SLC12A7: variants seen among roughly 807,000 people sequenced by gnomAD.
SLC12A7 encodes the protein solute carrier family 12 member 7.
Under a neutral mutation model 120.6 loss-of-function variants are expected in SLC12A7, and 100 were observed. That is an observed-to-expected ratio of 0.83 (90% CI 0.71 to 0.98). The LOEUF is 0.98. Ranked by LOEUF, SLC12A7 falls within the 50% of genes least tolerant of loss-of-function variation. The pLI is 0.00. For missense variants in SLC12A7, 1,373 were observed against 1,548.1 expected (o/e 0.89, Z 1.90); for synonymous variants, 760 against 678.0 (o/e 1.12, Z -1.88).
chr5:1,114,003 C>T (rs1290316610), upstream of SLC12A7, among the ~76,000 whole-genome samples: 1 of 152,230 alleles, frequency 6.6e-6, no homozygotes, highest in Non-Finnish European at 1.5e-5. Context: ...CCCAGGACCC[C>T]AGGGCCGGCT....
chr5:1,118,393 T>C, the SLC12A7 span, among the ~76,000 whole-genome samples: 1 of 152,232 alleles, frequency 6.6e-6, no homozygotes, highest in Non-Finnish European at 1.5e-5. Flanking sequence ...GATCCCACAC[T>C]GGGAAACGTT....
In SLC12A7 at chr5:1,074,715, G is replaced by A. The variant is rs1368099997; in HGVS notation, c.1968-44C>T. The A allele has an allele frequency of 5.1e-6, 8 of 1,574,590 alleles. No individual in the cohort carries two copies. The South Asian group carries it at 5.6e-5, about 11-fold the overall frequency. On this transcript the variant is annotated intron_variant, in intron 15 of 23. Transcript: ENST00000264930. The stretch of plus-strand genomic sequence containing the variant: ...GGGTTTGTCCAGCCGCGTACCTGGA[G>A]GCTCCTCTCCCACCTGGGAAAGGGG...
intron 4 of SLC12A7, 44 bp from the exon 5 acceptor site, chr5:1,088,404 C>G (rs954703809): frequency 7.1e-6 from 11 of 1,549,836 alleles, no homozygotes; most frequent in Non-Finnish European, 7.9e-6. Flanking sequence ...TTTCCAACAG[C>G]CTGCCGGCAT....
At chr5:1,141,562 T>C in the SLC12A7 span, among the ~76,000 whole-genome samples, 216 of 152,376 alleles carry the variant, frequency 1.4e-3, no homozygotes, top group Middle Eastern at 6.8e-3. Context: ...CTGGGGACTG[T>C]CTTCCCCACT....
chr5:1,138,311 C>A, the SLC12A7 span, among the ~76,000 whole-genome samples: 1 of 152,244 alleles, frequency 6.6e-6, no homozygotes, highest in Admixed American at 6.5e-5. Context: ...CCACCCACAT[C>A]CTGCTGATTG....
Position 1,087,674 on chromosome 5 carries a change from G to C in SLC12A7, c.544+632C>G, listed in dbSNP as rs140335982. On this transcript the variant is annotated intron_variant, in intron 5 of 23. Transcript: ENST00000264930. ...CCAAGCGATGCCCCCGTGGGGATGG[G>C]GACCAGCTGCGTGAGGACCTGGTGC... Among the ~76,000 whole-genome samples, 117 of 152,360 alleles carry C rather than the reference G, an allele frequency of 7.7e-4. 2 individuals are homozygous for C. The highest frequency in any genetic ancestry group is 2.6e-3 in the African/African-American group (110 of 41,584).
the SLC12A7 span, among the ~76,000 whole-genome samples, chr5:1,148,889 T>C: frequency 6.6e-6 from 1 of 152,226 alleles, no homozygotes. Flanking sequence ...CCATTTAGCC[T>C]TCAGGCCAAA....
At chr5:1,144,211 A>G in the SLC12A7 span, among the ~76,000 whole-genome samples, 1 of 151,834 alleles carries the variant, frequency 6.6e-6, no homozygotes, top group Non-Finnish European at 1.5e-5. Flanking sequence ...AGGGAGGGGA[A>G]GTTGGCCGGC....
At chr5:1,143,815 CT>C in the SLC12A7 span, among the ~76,000 whole-genome samples, 5 of 152,156 alleles carry the variant, frequency 3.3e-5, no homozygotes, top group African/African-American at 1.2e-4. Flanking sequence ...AGCAGACACT[CT>C]CGGGCAGAGT....
At chr5:1,075,277 A>C in intron 15 of SLC12A7, 94 bp downstream of exon 15, 1 of 1,504,616 alleles carries the variant, frequency 6.6e-7, no homozygotes, top group Admixed American at 2.0e-5. Context: ...CTCAAGCCCC[A>C]GGGAGGCCCC....
At chr5:1,112,462 C>T (rs1283473917), upstream of SLC12A7, among the ~76,000 whole-genome samples, 7 of 69,942 alleles carry the variant, frequency 1.0e-4, no homozygotes, top group Admixed American at 8.9e-4. Flanking sequence ...TCCTGCACCC[C>T]CCCACCCTTC....
chr5:1,073,640 G>A lies in SLC12A7; in HGVS notation c.2234C>T (p.Ala745Val), dbSNP rs1487731534. ...YLDKHMEAQR[A>V]EENIRSLMST... Reference sequence around the variant, plus strand: ...AGACCCCGCCCGGCCCACCTCCTCGGCCCGCTGAGCCTCCATGTGCTTGTC... The same window carrying A: ...AGACCCCGCCCGGCCCACCTCCTCGACCCGCTGAGCCTCCATGTGCTTGTC... The change falls in exon 17 of 24, where the codon GCC becomes GTC. Residue 745 changes from alanine (A) to valine (V), a missense_variant. Coordinates refer to ENST00000264930, the MANE Select transcript of SLC12A7 (RefSeq NM_006598.3). 1 of 1,602,068 alleles carries A rather than the reference G, an allele frequency of 6.2e-7. No individual in the cohort carries two copies. Among genetic ancestry groups the A allele is most frequent in the East Asian group, 2.3e-5 (1 of 43,512 alleles).
chr5:1,064,128 G>A lies in SLC12A7; in HGVS notation c.2562C>T (p.Asp854=), dbSNP rs769063291. The A allele has an allele frequency of 6.2e-5, 100 of 1,611,430 alleles. No homozygotes were observed. Among genetic ancestry groups the A allele is most frequent in the African/African-American group, 1.1e-4 (8 of 74,896 alleles). ...GHIDVWWIVH[D]GGMLMLLPFL... is the part of the protein sequence containing the mutation. ...AGGGCAGCAGCATGAGCATGCCGCC[G>A]TCGTGCACGATCCACCACACGTCGA... Residue 854 remains aspartate (D), a synonymous_variant, in exon 19 of 24, where the codon GAC becomes GAT. Coordinates refer to ENST00000264930, the MANE Select transcript of SLC12A7 (RefSeq NM_006598.3).
chr5:1,075,324 C>T, intron 15 of SLC12A7, 47 bp downstream of exon 15: 1 of 1,585,936 alleles, frequency 6.3e-7, no homozygotes, highest in South Asian at 1.1e-5. Flanking sequence ...TGAGAGGGGC[C>T]CGCCCTCCCG....
intron 4 of SLC12A7, 69 bp downstream of exon 4, chr5:1,088,913 T>G: frequency 6.3e-7 from 1 of 1,591,602 alleles, no homozygotes; most frequent in Non-Finnish European, 8.6e-7. Context: ...AGACGGCATC[T>G]GGGGAGAGCC....
chr5:1,088,849 G>A, intron 4 of SLC12A7, 133 bp downstream of exon 4: 1 of 1,146,954 alleles, frequency 8.7e-7, no homozygotes, highest in Admixed American at 2.0e-5. Context: ...CGTCTGGGGA[G>A]GGCCCTACTG....
chr5:1,052,423 C>T lies in SLC12A7; in HGVS notation c.3189G>A (p.Glu1063=). Residue 1063 remains glutamate, a synonymous_variant, in exon 24 of 24, where the codon GAG becomes GAA. Coordinates refer to ENST00000264930, the MANE Select transcript of SLC12A7 (RefSeq NM_006598.3). ...TGACCAGGAGGACTCTGTTCAGCCC[C>T]TCGGTCAGGACTTCAAGAAACTCCA... The part of the protein sequence containing the change: ...NYMEFLEVLT[E]GLNRVLLVRG... The T allele has an allele frequency of 6.2e-7, 1 of 1,612,910 alleles. No individual in the cohort carries two copies. Among genetic ancestry groups the T allele is most frequent in the Non-Finnish European group, 8.5e-7 (1 of 1,179,976 alleles).
chr5:1,108,519 C>T lies in SLC12A7; in HGVS notation c.124+3349G>A, dbSNP rs185671061. 1.5e-3 allele frequency among the ~76,000 whole-genome samples: 231 copies of T among 152,308 alleles called. 1 individual carries two copies. Among genetic ancestry groups the T allele is most frequent in the African/African-American group, 5.4e-3 (224 of 41,578 alleles). On this transcript the variant is annotated intron_variant, in intron 1 of 23. Transcript: ENST00000264930. Reference sequence around the variant, plus strand: ...AACAGCCTGCCTGTCCCTCCTGCTCCGACTGCCTCCCATGTCCGTGTCGGG... The same window carrying T: ...AACAGCCTGCCTGTCCCTCCTGCTCTGACTGCCTCCCATGTCCGTGTCGGG...
At chr5:1,084,506 C>G (rs140370138) in intron 7 of SLC12A7, among the ~76,000 whole-genome samples, 4 of 152,208 alleles carry the variant, frequency 2.6e-5, no homozygotes, top group Non-Finnish European at 2.9e-5. Flanking sequence ...GGAGTGCCGC[C>G]CCCGACGTAT....
Sources: gnomAD v4.1 joint callset for allele counts (sites outside exome capture counted in the v4.1 genomes callset) on GRCh38, gnomAD v4.1.1 for gene constraint, MANE v1.5 for transcripts, NCBI Gene and HGNC (gene_info 2026-07-23, HGNC 2026-07-21) for gene names.